The following SECISBP2L variants were observed in gnomAD, a reference collection of about 807,000 sequenced individuals.
SECISBP2L encodes SECIS binding protein 2 like, also known as selenocysteine insertion sequence-binding protein 2-like.
Under a neutral mutation model 114.7 loss-of-function variants are expected in SECISBP2L, and 43 were observed. The ratio of observed to expected loss-of-function variants is 0.38; its 90% CI spans 0.29 to 0.48. SECISBP2L has a LOEUF of 0.48. Ranked by LOEUF, SECISBP2L falls within the 20% of genes least tolerant of loss-of-function variation. The probability of loss-of-function intolerance (pLI) is 0.98; values close to 1 mark genes in which losing one functional copy is unlikely to be tolerated. For synonymous variants in SECISBP2L, 451 were observed against 439.7 expected (o/e 1.03, Z -0.32); for missense variants, 1,136 against 1,301.1 (o/e 0.87, Z 1.95).
chr15:49,046,064 G>C (rs1052958883), intron 1 of SECISBP2L, among the ~76,000 whole-genome samples: 2 of 152,176 alleles, frequency 1.3e-5, no homozygotes, highest in Non-Finnish European at 2.9e-5. Flanking sequence ...CGAGCCCTCC[G>C]CCTGGGAAGT....
intron 11 of SECISBP2L, 29 bp downstream of exon 11, chr15:49,016,531 C>A: frequency 6.4e-7 from 1 of 1,565,832 alleles, no homozygotes; most frequent in South Asian, 1.2e-5. Flanking sequence ...CAGAGACAAA[C>A]AGCAAATTGC....
intron 7 of SECISBP2L, among the ~76,000 whole-genome samples, chr15:49,026,413 A>G (rs1003133890): frequency 6.6e-6 from 1 of 152,220 alleles, no homozygotes; most frequent in Non-Finnish European, 1.5e-5. Flanking sequence ...GTTTGAGATG[A>G]TGGATATGGT....
intron 4 of SECISBP2L, among the ~76,000 whole-genome samples, chr15:49,029,689 A>T (rs763915430): frequency 3.2e-4 from 48 of 152,222 alleles, no homozygotes; most frequent in Non-Finnish European, 7.3e-5. Context: ...AACTTAGGGG[A>T]TGCACATATC....
At chr15:49,007,500 G>A (rs1028020605) in intron 14 of SECISBP2L, among the ~76,000 whole-genome samples, 1 of 152,212 alleles carries the variant, frequency 6.6e-6, no homozygotes, top group Non-Finnish European at 1.5e-5. Flanking sequence ...TGCCCAGAGA[G>A]GAGGAATCTA....
rs202132925 is a variant in SECISBP2L at position 49,017,038 on chromosome 15, A to G, written c.1252-23T>C. The stretch of plus-strand genomic sequence containing the variant: ...CAACTATGATAACCAGAAAAAACAC[A>G]TTTGTTAGTGATCCCATAAAAGTCA... On this transcript the variant is annotated intron_variant, in intron 9 of 17. Transcript: ENST00000559471. The G allele has an allele frequency of 1.0e-3, 1,643 of 1,604,584 alleles. 32 individuals carry two copies. In the South Asian group the frequency reaches 0.017, roughly 16 times the overall value.
intron 9 of SECISBP2L, 47 bp downstream of exon 9, chr15:49,017,501 G>T (rs775436805): frequency 8.2e-7 from 1 of 1,216,824 alleles, no homozygotes. Context: ...CATAGCCATT[G>T]TTCAAAAGAT....
intron 1 of SECISBP2L, 64 bp downstream of exon 1, chr15:49,046,212 C>A: frequency 6.5e-7 from 1 of 1,548,562 alleles, no homozygotes; most frequent in South Asian, 1.2e-5. Flanking sequence ...AGAACTGGGC[C>A]TGGCCTGTGA....
intron 17 of SECISBP2L, among the ~76,000 whole-genome samples, chr15:48,993,882 T>C (rs1351099679): frequency 1.3e-5 from 2 of 152,256 alleles, no homozygotes; most frequent in African/African-American, 2.4e-5. Flanking sequence ...AATTCTATCA[T>C]ATTGACATTA....
chr15:48,999,305 A>G (rs1381556775), intron 16 of SECISBP2L, among the ~76,000 whole-genome samples: 1 of 133,388 alleles, frequency 7.5e-6, no homozygotes, highest in East Asian at 2.0e-4. Context: ...CTCTAAATTG[A>G]TAACCATTAC....
intron 1 of SECISBP2L, among the ~76,000 whole-genome samples, chr15:49,042,912 C>A (rs768730778): frequency 6.4e-4 from 98 of 152,100 alleles, no homozygotes; most frequent in Non-Finnish European, 1.8e-4. Flanking sequence ...CACCTGTAAT[C>A]CCAGCTTCAG....
chr15:49,028,374 A>G, intron 5 of SECISBP2L, 79 bp downstream of exon 5: 1 of 1,348,068 alleles, frequency 7.4e-7, no homozygotes, highest in Non-Finnish European at 1.1e-6. Context: ...GAAAACAGAT[A>G]CTTAAGCTTT....
chr15:49,028,452 C>T lies in SECISBP2L; in HGVS notation c.894+1G>A. The T allele has an allele frequency of 6.2e-7, 1 of 1,613,450 alleles. No homozygotes were observed. The highest frequency in any genetic ancestry group is 8.5e-7 in the Non-Finnish European group (1 of 1,179,344). ...AAAGAAATCAAGACGATGTCACATA[C>T]ATTCATGGTCCCAGAATCAGGATTT... On this transcript the variant is annotated splice_donor_variant, in intron 5 of 17. Transcript: ENST00000559471. LOFTEE classifies it high-confidence loss of function.
At chr15:49,029,577 G>A (rs1277555994) in intron 4 of SECISBP2L, among the ~76,000 whole-genome samples, 1 of 151,988 alleles carries the variant, frequency 6.6e-6, no homozygotes, top group Non-Finnish European at 1.5e-5. Context: ...GAGTTGTTTT[G>A]GAGTTTTGCT....
chr15:49,044,567 T>A (rs1903204486), intron 1 of SECISBP2L, among the ~76,000 whole-genome samples: 1 of 152,164 alleles, frequency 6.6e-6, no homozygotes, highest in Non-Finnish European at 1.5e-5. Flanking sequence ...ATTTTCAAAT[T>A]ATTCTTTCAT....
chr15:49,019,000 TA>T (rs1253371011), intron 8 of SECISBP2L, among the ~76,000 whole-genome samples: 1 of 152,152 alleles, frequency 6.6e-6, no homozygotes, highest in Non-Finnish European at 1.5e-5. Context: ...TCAGAGAAAG[TA>T]AAACATTTTT....
At chr15:49,022,114 T>C (rs945102369) in intron 7 of SECISBP2L, among the ~76,000 whole-genome samples, 1 of 152,180 alleles carries the variant, frequency 6.6e-6, no homozygotes, top group Non-Finnish European at 1.5e-5. Flanking sequence ...ATTTATTTGA[T>C]TGATTGACTA....
intron 4 of SECISBP2L, among the ~76,000 whole-genome samples, chr15:49,031,437 C>CT (rs967022396): frequency 1.3e-5 from 2 of 151,836 alleles, no homozygotes; most frequent in Non-Finnish European, 2.9e-5. Context: ...TTAATGACAT[C>CT]TTTTTTTTAA....
chr15:49,044,712 G>C (rs916628154), intron 1 of SECISBP2L, among the ~76,000 whole-genome samples: 12 of 152,170 alleles, frequency 7.9e-5, no homozygotes, highest in African/African-American at 2.7e-4. Context: ...GAAAGATGTG[G>C]AAAGGGGAAA....
intron 1 of SECISBP2L, among the ~76,000 whole-genome samples, chr15:49,043,681 G>A (rs1350008463): frequency 2.7e-5 from 4 of 146,942 alleles, no homozygotes; most frequent in Non-Finnish European, 3.0e-5. Flanking sequence ...ATTTAACTCT[G>A]GCAGTTAAAA....
Sources: gnomAD v4.1 joint callset for allele counts (sites outside exome capture counted in the v4.1 genomes callset) on GRCh38, gnomAD v4.1.1 for gene constraint, MANE v1.5 for transcripts, NCBI Gene and HGNC (gene_info 2026-07-23, HGNC 2026-07-21) for gene names.